The following NELL2 variants were observed in gnomAD, a reference collection of about 807,000 sequenced individuals.
NELL2 encodes the protein neural EGFL like 2.
Under a neutral mutation model 109.6 loss-of-function variants are expected in NELL2, and 41 were observed. The observed-to-expected ratio is 0.37, with a 90% CI of 0.29 to 0.49. The LOEUF is 0.49. NELL2 is among the 20% of genes least tolerant of loss of function. NELL2 has a pLI of 0.98. For missense variants in NELL2, 900 were observed against 1,008.3 expected (o/e 0.89, Z 1.45); for synonymous variants, 355 against 344.7 (o/e 1.03, Z -0.33).
intron 15 of NELL2, among the ~76,000 whole-genome samples, chr12:44,567,275 A>G (rs1228223589): frequency 6.6e-6 from 1 of 152,202 alleles, no homozygotes; most frequent in Non-Finnish European, 1.5e-5. Flanking sequence ...ATACATTTTA[A>G]TATCTTTCTA....
chr12:44,712,887 C>A (rs1031324943), intron 10 of NELL2, among the ~76,000 whole-genome samples: 4 of 151,448 alleles, frequency 2.6e-5, no homozygotes, highest in African/African-American at 9.7e-5. Flanking sequence ...AAAACTAGTC[C>A]AATAAAAATT....
At chr12:44,696,462 A>T (rs1255430776) in intron 12 of NELL2, among the ~76,000 whole-genome samples, 2 of 152,228 alleles carry the variant, frequency 1.3e-5, no homozygotes, top group African/African-American at 2.4e-5. Context: ...GCAATTGTGA[A>T]GATGGGGAAA....
In NELL2 at chr12:44,688,159, G is replaced by A. The variant is rs557129982; in HGVS notation, c.1318+15567C>T. Among the ~76,000 whole-genome samples the A allele has an allele frequency of 3.3e-5, 5 of 152,222 alleles. No homozygotes were observed. In the South Asian group the frequency reaches 8.3e-4, roughly 25 times the overall value. On this transcript the variant is annotated intron_variant, in intron 12 of 19. Transcript: ENST00000429094. ...ACACATATTCTATATTGAAGCACTG[G>A]TTAGAATATTATTCAGACCAGAAAA...
At chr12:44,808,381 T>C (rs1370688346) in intron 3 of NELL2, among the ~76,000 whole-genome samples, 1 of 152,032 alleles carries the variant, frequency 6.6e-6, no homozygotes, top group Non-Finnish European at 1.5e-5. Flanking sequence ...TACTTGGTAG[T>C]GATATATGTA....
At chr12:44,523,115 T>C (rs1427376172) in intron 17 of NELL2, 176 bp downstream of exon 17, 3 of 668,418 alleles carry the variant, frequency 4.5e-6, no homozygotes, top group Non-Finnish European at 7.5e-6. Context: ...GTTGTGGGAC[T>C]AACTAGGAAA....
intron 15 of NELL2, among the ~76,000 whole-genome samples, chr12:44,543,948 A>G (rs963600682): frequency 1.3e-5 from 2 of 152,142 alleles, no homozygotes. Flanking sequence ...GCTGGTCACA[A>G]TGATATAAAC....
At chr12:44,577,963 C>A (rs906154667) in intron 15 of NELL2, among the ~76,000 whole-genome samples, 12 of 152,186 alleles carry the variant, frequency 7.9e-5, no homozygotes, top group Non-Finnish European at 1.6e-4. Context: ...GAAGTCCTCA[C>A]ATGCTATAGT....
chr12:44,850,399 T>C (rs1435723677), intron 2 of NELL2, among the ~76,000 whole-genome samples: 1 of 152,134 alleles, frequency 6.6e-6, no homozygotes, highest in African/African-American at 2.4e-5. Context: ...CATTCACTTA[T>C]TAGTAATTTT....
intron 3 of NELL2, among the ~76,000 whole-genome samples, chr12:44,806,427 A>G (rs537577503): frequency 8.6e-5 from 13 of 152,024 alleles, no homozygotes; most frequent in Non-Finnish European, 1.2e-4. Context: ...TTTCATATAC[A>G]TAGTATGTAG....
chr12:44,667,204 C>T (rs945799341), intron 12 of NELL2, among the ~76,000 whole-genome samples: 2 of 151,946 alleles, frequency 1.3e-5, no homozygotes, highest in Non-Finnish European at 2.9e-5. Context: ...TAACTTTGTC[C>T]ATCATATTCA....
intron 9 of NELL2, among the ~76,000 whole-genome samples, chr12:44,742,668 T>G (rs554984662): frequency 2.0e-5 from 3 of 152,154 alleles, no homozygotes; most frequent in Non-Finnish European, 4.4e-5. Context: ...GAAGCCTCAG[T>G]AGCCGATGCG....
At chr12:44,686,415 C>G (rs539937844) in intron 12 of NELL2, among the ~76,000 whole-genome samples, 1 of 152,324 alleles carries the variant, frequency 6.6e-6, no homozygotes, top group East Asian at 1.9e-4. Context: ...TCTCTCAGCT[C>G]GTCAAAGTCA....
At chr12:44,691,110 C>G (rs764922407) in intron 12 of NELL2, among the ~76,000 whole-genome samples, 2 of 152,192 alleles carry the variant, frequency 1.3e-5, no homozygotes, top group Non-Finnish European at 2.9e-5. Flanking sequence ...TACAGGCATA[C>G]CTTGTTTTAT....
chr12:44,819,173 G>A (rs945274957), intron 2 of NELL2, among the ~76,000 whole-genome samples: 4 of 152,112 alleles, frequency 2.6e-5, no homozygotes, highest in Non-Finnish European at 5.9e-5. Flanking sequence ...ACATCACTAT[G>A]GTTGAAAACA....
chr12:44,740,834 A>G (rs1477702283), intron 9 of NELL2, among the ~76,000 whole-genome samples: 1 of 152,228 alleles, frequency 6.6e-6, no homozygotes, highest in Non-Finnish European at 1.5e-5. Context: ...GAACACCAGA[A>G]GCACAGCATA....
At chr12:44,875,478 ACT>A in intron 1 of NELL2, 125 bp from the exon 2 acceptor site, 1 of 1,613,930 alleles carries the variant, frequency 6.2e-7, no homozygotes, top group Non-Finnish European at 8.5e-7. Context: ...ATGAGAGGCG[ACT>A]GCCTCCTCCT....
intron 9 of NELL2, chr12:44,774,474 A>G (rs1941670557): frequency 5.9e-6 from 2 of 340,980 alleles, no homozygotes; most frequent in South Asian, 7.6e-5. Context: ...AATTAGTGAA[A>G]TAACTTCCAG....
chr12:44,554,630 A>G (rs1188311188), intron 15 of NELL2, among the ~76,000 whole-genome samples: 1 of 152,236 alleles, frequency 6.6e-6, no homozygotes, highest in Non-Finnish European at 1.5e-5. Context: ...AATTTTTAAA[A>G]AGCTATTAAA....
chr12:44,586,994 C>T (rs1321494656), intron 15 of NELL2, among the ~76,000 whole-genome samples: 1 of 151,868 alleles, frequency 6.6e-6, no homozygotes, highest in African/African-American at 2.4e-5. Context: ...AAGTATGGGC[C>T]GGGAGCAGTG....
Sources: allele counts gnomAD v4.1 joint callset (sites outside exome capture counted in the v4.1 genomes callset), GRCh38; gene constraint gnomAD v4.1.1; transcripts MANE v1.5; gene names NCBI Gene and HGNC (gene_info 2026-07-23, HGNC 2026-07-21).